LRRC4C: variants seen among roughly 807,000 people sequenced by gnomAD.
LRRC4C encodes the protein leucine-rich repeat-containing protein 4C.
In LRRC4C, 5 loss-of-function variants were observed where a neutral mutation model predicts 33.6. The observed-to-expected ratio is 0.15, with a 90% confidence interval of 0.08 to 0.31. LRRC4C has a LOEUF of 0.31. Among genes scored for constraint, LRRC4C ranks in the 10% least tolerant of loss-of-function variants. The probability of loss-of-function intolerance (pLI) is 1.00; values close to 1 mark genes in which losing one functional copy is unlikely to be tolerated. For synonymous variants in LRRC4C, 329 were observed against 302.0 expected (o/e 1.09, Z -0.93); for missense variants, 560 against 796.7 (o/e 0.70, Z 3.58).
In LRRC4C at chr11:41,453,741, G is replaced by C. The variant is rs535650686; in HGVS notation, c.-496+5690C>G. Among the ~76,000 whole-genome samples the C allele has an allele frequency of 3.3e-5, 5 of 152,036 alleles. No individual in the cohort carries two copies. The South Asian group carries it at 1.0e-3, about 32-fold the overall frequency. ...TACCTAGCACAGTGCCTGGCACATAGAATACCTTTGCTGACTCTATGAGAT... is the reference window on the plus strand; with the variant it reads ...TACCTAGCACAGTGCCTGGCACATACAATACCTTTGCTGACTCTATGAGAT... On this transcript the variant is annotated intron_variant, in intron 1 of 6. Coordinates refer to ENST00000528697, the MANE Select transcript of LRRC4C (RefSeq NM_001258419.2).
At position 40,176,930 on chromosome 11, in the gene LRRC4C, C is replaced by CTTTT. The variant is rs36015905; in HGVS notation, c.-95-36081_-95-36078dup. ...GTTTCTACTTTTGTTCTGCCAGAGT[C>CTTTT]TTTTTTTTTTTTTTTTTTTTTGAGA... On this transcript the variant is annotated intron_variant, in intron 5 of 6. Coordinates refer to ENST00000528697, the MANE Select transcript of LRRC4C (RefSeq NM_001258419.2). 3.6e-4 allele frequency among the ~76,000 whole-genome samples: 30 copies of CTTTT among 82,644 alleles called. 3 individuals are homozygous for CTTTT. Among genetic ancestry groups the CTTTT allele is most frequent in the African/African-American group, 6.5e-4 (13 of 19,888 alleles). The allele number at this position is 82,644 out of a possible 152,430, so 54.2% of individuals were successfully genotyped here.
chr11:41,458,020 TCAA>T (rs1306407361), intron 1 of LRRC4C, among the ~76,000 whole-genome samples: 1 of 152,162 alleles, frequency 6.6e-6, no homozygotes, highest in African/African-American at 2.4e-5. Context: ...ATATATATAA[TCAA>T]CGTTTTGAGT....
At chr11:41,383,680 A>T (rs1311582297) in intron 1 of LRRC4C, among the ~76,000 whole-genome samples, 1 of 152,016 alleles carries the variant, frequency 6.6e-6, no homozygotes, top group Non-Finnish European at 1.5e-5. Context: ...AAAGAAAAAC[A>T]TACATAAACA....
intron 1 of LRRC4C, among the ~76,000 whole-genome samples, chr11:41,215,525 A>C (rs1194651258): frequency 6.6e-6 from 1 of 151,158 alleles, no homozygotes; most frequent in Non-Finnish European, 1.5e-5. Flanking sequence ...ATCCACATTG[A>C]CGATGTTTCC....
Position 40,444,163 on chromosome 11 carries a change from G to T in LRRC4C, c.-269-124442C>A, listed in dbSNP as rs187315916. The stretch of plus-strand genomic sequence containing the variant: ...CTAGTCTTTCTGTCCACATGAAGAA[G>T]TAGTACTATTATCAGCCCATTTTGC... On this transcript the variant is annotated intron_variant, in intron 3 of 6. Coordinates refer to ENST00000528697, the MANE Select transcript of LRRC4C (RefSeq NM_001258419.2). Among the ~76,000 whole-genome samples the T allele has an allele frequency of 2.0e-5, 3 of 152,128 alleles. No homozygotes were observed. The East Asian group carries it at 5.8e-4, about 29-fold the overall frequency.
intron 3 of LRRC4C, among the ~76,000 whole-genome samples, chr11:40,604,155 A>T (rs1485729928): frequency 1.3e-5 from 2 of 152,186 alleles, no homozygotes; most frequent in Admixed American, 6.5e-5. Context: ...AATATTGCAG[A>T]CATATATATA....
At chr11:41,276,240 T>TTCTCAGGTGACCTGGA (rs1386606115) in intron 1 of LRRC4C, among the ~76,000 whole-genome samples, 1 of 152,154 alleles carries the variant, frequency 6.6e-6, no homozygotes, top group Non-Finnish European at 1.5e-5. Flanking sequence ...AGTCTTGACA[T>TTCTCAGGTGACCTGGA]TCTCAGGTGA....
At chr11:40,289,416 G>A (rs1944048243) in intron 4 of LRRC4C, among the ~76,000 whole-genome samples, 1 of 152,100 alleles carries the variant, frequency 6.6e-6, no homozygotes, top group Non-Finnish European at 1.5e-5. Flanking sequence ...TGTTCAAAGG[G>A]CACAGCTACT....
chr11:41,087,625 A>G (rs2135525659), intron 1 of LRRC4C, among the ~76,000 whole-genome samples: 1 of 152,196 alleles, frequency 6.6e-6, no homozygotes, highest in South Asian at 2.1e-4. Context: ...CACTACTCCC[A>G]TTAATTATGT....
intron 1 of LRRC4C, among the ~76,000 whole-genome samples, chr11:41,374,250 T>A (rs975518665): frequency 6.6e-6 from 1 of 152,190 alleles, no homozygotes; most frequent in Admixed American, 6.5e-5. Flanking sequence ...ACCTGAGAAA[T>A]ACTCAGTATC....
chr11:40,512,820 C>T (rs1476047668), intron 3 of LRRC4C, among the ~76,000 whole-genome samples: 1 of 152,124 alleles, frequency 6.6e-6, no homozygotes, highest in Non-Finnish European at 1.5e-5. Context: ...GGAGTCGACA[C>T]TTTGAAAATC....
intron 2 of LRRC4C, among the ~76,000 whole-genome samples, chr11:40,713,565 A>G (rs1946566809): frequency 6.6e-6 from 1 of 152,234 alleles, no homozygotes; most frequent in African/African-American, 2.4e-5. Context: ...GAAATTATGA[A>G]TATTTACTTA....
At chr11:40,978,407 A>T (rs1565264116) in intron 1 of LRRC4C, among the ~76,000 whole-genome samples, 1 of 152,128 alleles carries the variant, frequency 6.6e-6, no homozygotes, top group Non-Finnish European at 1.5e-5. Context: ...CACTCCGGGG[A>T]ATATTTTATA....
intron 2 of LRRC4C, among the ~76,000 whole-genome samples, chr11:40,671,147 TAC>T: frequency 6.6e-6 from 1 of 152,328 alleles, no homozygotes; most frequent in East Asian, 1.9e-4. Flanking sequence ...TATCTATACT[TAC>T]ACCTACAACT....
chr11:41,406,099 CAG>C (rs981403918), intron 1 of LRRC4C, among the ~76,000 whole-genome samples: 1 of 83,132 alleles, frequency 1.2e-5, no homozygotes, highest in African/African-American at 3.2e-5. Flanking sequence ...ATGAAAGAGA[CAG>C]AGAGACAGAC....
chr11:41,431,012 T>C (rs1436951908), intron 1 of LRRC4C, among the ~76,000 whole-genome samples: 3 of 152,074 alleles, frequency 2.0e-5, no homozygotes, highest in African/African-American at 7.2e-5. Context: ...TCAGACAAAT[T>C]TGAATTACTC....
chr11:40,591,278 A>G (rs1027130273), intron 3 of LRRC4C, among the ~76,000 whole-genome samples: 1 of 152,172 alleles, frequency 6.6e-6, no homozygotes, highest in African/African-American at 2.4e-5. Context: ...TGACTAGGAA[A>G]GGGAACTCCC....
At chr11:40,313,480 G>A (rs754190356) in intron 4 of LRRC4C, among the ~76,000 whole-genome samples, 9 of 151,638 alleles carry the variant, frequency 5.9e-5, no homozygotes, top group Non-Finnish European at 1.0e-4. Context: ...ATATCCACAC[G>A]CAGAAGCATA....
intron 3 of LRRC4C, among the ~76,000 whole-genome samples, chr11:40,629,238 A>G (rs1001504703): frequency 6.6e-6 from 1 of 152,182 alleles, no homozygotes; most frequent in African/African-American, 2.4e-5. Context: ...AATCAACCAC[A>G]CACCCTATTA....
Sources: gnomAD v4.1 joint callset for allele counts (sites outside exome capture counted in the v4.1 genomes callset) on GRCh38, gnomAD v4.1.1 for gene constraint, MANE v1.5 for transcripts, NCBI Gene and HGNC (gene_info 2026-07-23, HGNC 2026-07-21) for gene names.